ADGRL3: variants seen among roughly 807,000 people sequenced by gnomAD.
ADGRL3 encodes the protein adhesion G protein-coupled receptor L3.
ADGRL3 carries 62 observed loss-of-function variants against 153.5 expected under a neutral mutation model. The observed-to-expected ratio is 0.40, with a 90% CI of 0.33 to 0.50. ADGRL3 has a LOEUF of 0.50. Among genes scored for constraint, ADGRL3 ranks in the 20% least tolerant of loss-of-function variants. The probability of loss-of-function intolerance (pLI) is 0.47; values close to 1 mark genes in which losing one functional copy is unlikely to be tolerated. For missense variants in ADGRL3, 1,641 were observed against 1,859.4 expected (o/e 0.88, Z 2.16); for synonymous variants, 710 against 672.5 (o/e 1.06, Z -0.86).
At chr4:61,702,808 C>T (rs1163124008) in intron 6 of ADGRL3, among the ~76,000 whole-genome samples, 1 of 152,104 alleles carries the variant, frequency 6.6e-6, no homozygotes, top group African/African-American at 2.4e-5. Flanking sequence ...ATTCTAAGCA[C>T]TTATATCTAT....
intron 9 of ADGRL3, among the ~76,000 whole-genome samples, chr4:61,864,769 A>G (rs990772711): frequency 6.6e-6 from 1 of 152,216 alleles, no homozygotes; most frequent in African/African-American, 2.4e-5. Flanking sequence ...CTGAGAAAAA[A>G]TAGTGTTAAA....
At chr4:61,917,498 G>A (rs1385573988) in intron 13 of ADGRL3, among the ~76,000 whole-genome samples, 1 of 152,164 alleles carries the variant, frequency 6.6e-6, no homozygotes, top group Non-Finnish European at 1.5e-5. Context: ...TAAAAAACCA[G>A]CAGAAAGATA....
At chr4:61,623,586 G>T (rs1011584854) in intron 5 of ADGRL3, among the ~76,000 whole-genome samples, 5 of 152,046 alleles carry the variant, frequency 3.3e-5, no homozygotes, top group African/African-American at 1.2e-4. Flanking sequence ...AACTGATTCA[G>T]TCTCTCCCAT....
chr4:61,233,943 G>C (rs933931821), intron 1 of ADGRL3, among the ~76,000 whole-genome samples: 2 of 152,124 alleles, frequency 1.3e-5, no homozygotes, highest in Admixed American at 6.6e-5. Flanking sequence ...TTACTTGGGG[G>C]ATAGAGAGGA....
At chr4:61,360,429 C>A (rs1035451993) in intron 1 of ADGRL3, among the ~76,000 whole-genome samples, 4 of 151,938 alleles carry the variant, frequency 2.6e-5, no homozygotes, top group African/African-American at 9.7e-5. Context: ...ACAGCACTGA[C>A]CAAATAGTTT....
At chr4:61,662,570 G>A (rs2094635102) in intron 5 of ADGRL3, among the ~76,000 whole-genome samples, 2 of 152,186 alleles carry the variant, frequency 1.3e-5, no homozygotes, top group Admixed American at 1.3e-4. Context: ...CTCAGCGTGG[G>A]CCTGCAGGCA....
chr4:61,614,267 CA>C (rs1261257198), intron 5 of ADGRL3, among the ~76,000 whole-genome samples: 2 of 152,100 alleles, frequency 1.3e-5, no homozygotes, highest in Non-Finnish European at 2.9e-5. Context: ...AGAATCACCT[CA>C]AAAAAATTGA....
At chr4:61,224,881 G>C (rs916784702) in intron 1 of ADGRL3, among the ~76,000 whole-genome samples, 2 of 152,198 alleles carry the variant, frequency 1.3e-5, no homozygotes, top group African/African-American at 2.4e-5. Context: ...GATGGAGCTT[G>C]AAACAGTCTG....
chr4:61,818,487 A>T (rs1180831131), intron 9 of ADGRL3, among the ~76,000 whole-genome samples: 1 of 152,172 alleles, frequency 6.6e-6, no homozygotes, highest in African/African-American at 2.4e-5. Context: ...TCTGGAGGAC[A>T]ACACTGTGGA....
chr4:61,529,587 A>T (rs1357152860), intron 4 of ADGRL3, among the ~76,000 whole-genome samples: 2 of 152,168 alleles, frequency 1.3e-5, no homozygotes, highest in African/African-American at 4.8e-5. Flanking sequence ...TCTATAAGTT[A>T]GTGGATTGGG....
intron 1 of ADGRL3, among the ~76,000 whole-genome samples, chr4:61,262,448 T>G (rs1355868204): frequency 6.6e-6 from 1 of 152,060 alleles, no homozygotes; most frequent in Non-Finnish European, 1.5e-5. Flanking sequence ...ATTGTGTTGT[T>G]TCTAGATTTC....
chr4:61,408,694 G>A (rs1686862455), intron 2 of ADGRL3, among the ~76,000 whole-genome samples: 1 of 151,980 alleles, frequency 6.6e-6, no homozygotes, highest in African/African-American at 2.4e-5. Flanking sequence ...AATCAGTAAT[G>A]ATACATTTTA....
chr4:61,825,612 C>T (rs1420559041), intron 9 of ADGRL3, among the ~76,000 whole-genome samples: 1 of 152,052 alleles, frequency 6.6e-6, no homozygotes, highest in Non-Finnish European at 1.5e-5. Flanking sequence ...TTATTACAGT[C>T]TTATGTAAAA....
At chr4:61,758,679 A>G in intron 8 of ADGRL3, among the ~76,000 whole-genome samples, 1 of 152,128 alleles carries the variant, frequency 6.6e-6, no homozygotes, top group South Asian at 2.1e-4. Flanking sequence ...GCCCATTTAC[A>G]TTTAAGGTTA....
intron 17 of ADGRL3, among the ~76,000 whole-genome samples, chr4:61,955,471 A>T (rs989295): frequency 0.062 from 9,426 of 152,224 alleles, 390 homozygotes; most frequent in East Asian, 0.18. Context: ...TTTTTCTTTA[A>T]GTACATGACA....
intron 9 of ADGRL3, among the ~76,000 whole-genome samples, chr4:61,830,380 A>G (rs141444141): frequency 6.6e-6 from 1 of 152,192 alleles, no homozygotes; most frequent in African/African-American, 2.4e-5. Flanking sequence ...AAACAAACAA[A>G]CAAAACAAAC....
At chr4:61,259,281 G>A (rs2092303113) in intron 1 of ADGRL3, among the ~76,000 whole-genome samples, 2 of 152,082 alleles carry the variant, frequency 1.3e-5, no homozygotes, top group African/African-American at 2.4e-5. Context: ...AAATTAGCCG[G>A]GCGTGGTGGC....
intron 1 of ADGRL3, among the ~76,000 whole-genome samples, chr4:61,325,324 C>A (rs1272117634): frequency 6.6e-6 from 1 of 151,924 alleles, no homozygotes; most frequent in East Asian, 1.9e-4. Context: ...AAAACAAAAA[C>A]AAAAACAAAT....
chr4:62,075,147 G>A lies in ADGRL3; in HGVS notation c.*4239G>A, dbSNP rs1166430016. On this transcript the variant is annotated 3_prime_UTR_variant, in exon 27 of 27. Coordinates refer to ENST00000683033, the MANE Select transcript of ADGRL3 (RefSeq NM_001387552.1). Reference sequence around the variant, plus strand: ...AAAAAACAATTAGTTTTTAGAAGTTGTCTATCAGTACTGTACCGAAGTGCT... The same window carrying A: ...AAAAAACAATTAGTTTTTAGAAGTTATCTATCAGTACTGTACCGAAGTGCT... 6.6e-6 allele frequency: 1 copy of A among 152,100 alleles called. No individual in the cohort carries two copies. Among genetic ancestry groups the A allele is most frequent in the African/African-American group, 2.4e-5 (1 of 41,416 alleles). 9.4% of individuals were successfully genotyped at this position (152,100 alleles called of 1,614,324 possible).
Sources: allele counts gnomAD v4.1 joint callset (sites outside exome capture counted in the v4.1 genomes callset), GRCh38; gene constraint gnomAD v4.1.1; transcripts MANE v1.5; gene names NCBI Gene and HGNC (gene_info 2026-07-23, HGNC 2026-07-21).